TRMT9B: variants seen among roughly 807,000 people sequenced by gnomAD.
TRMT9B encodes tRNA methyltransferase 9B (putative), also known as probable tRNA methyltransferase 9B.
TRMT9B carries 16 observed loss-of-function variants against 11.5 expected under a neutral mutation model. That is an observed-to-expected ratio of 1.39 (90% CI 0.94 to 2.11). The LOEUF (loss-of-function observed/expected upper bound fraction) is 2.11, where lower values mean the gene tolerates loss of function less well. TRMT9B is among the 30% of genes most tolerant of loss of function. The pLI, the probability that TRMT9B is intolerant of heterozygous loss-of-function variation, is 0.00. For missense variants in TRMT9B, 941 were observed against 553.8 expected (o/e 1.70, Z -7.02); for synonymous variants, 274 against 192.4 (o/e 1.42, Z -3.51).
At chr8:12,967,040 G>A (rs1009084587) in intron 1 of TRMT9B, among the ~76,000 whole-genome samples, 3 of 152,174 alleles carry the variant, frequency 2.0e-5, no homozygotes, top group Non-Finnish European at 2.9e-5. Context: ...GTGTGGGAAG[G>A]ATAGGTAATG....
chr8:13,020,259 CTT>C (rs1278634925), intron 4 of TRMT9B, among the ~76,000 whole-genome samples: 1 of 152,096 alleles, frequency 6.6e-6, no homozygotes, highest in Admixed American at 6.5e-5. Flanking sequence ...GAAGTTTTCT[CTT>C]GACACAATAC....
chr8:12,996,011 A>G (rs1227902373), intron 2 of TRMT9B, among the ~76,000 whole-genome samples: 1 of 152,218 alleles, frequency 6.6e-6, no homozygotes, highest in African/African-American at 2.4e-5. Context: ...AGTAACAGTA[A>G]CCATGAAACA....
intron 1 of TRMT9B, among the ~76,000 whole-genome samples, chr8:12,981,174 G>A (rs1805311151): frequency 6.6e-6 from 1 of 152,146 alleles, no homozygotes; most frequent in South Asian, 2.1e-4. Context: ...AATCCACGAA[G>A]TCACTCTGCG....
chr8:13,020,162 T>C (rs1165392396), intron 4 of TRMT9B, among the ~76,000 whole-genome samples: 1 of 152,180 alleles, frequency 6.6e-6, no homozygotes, highest in Non-Finnish European at 1.5e-5. Context: ...CCCTCACAGC[T>C]CATATCAAAA....
intron 1 of TRMT9B, among the ~76,000 whole-genome samples, chr8:12,947,602 T>C (rs1800326746): frequency 6.6e-6 from 1 of 152,240 alleles, no homozygotes; most frequent in Non-Finnish European, 1.5e-5. Context: ...CACATGCATA[T>C]TAATGCAAAT....
intron 1 of TRMT9B, among the ~76,000 whole-genome samples, chr8:12,972,435 A>T (rs2460898): frequency 6.6e-6 from 1 of 152,068 alleles, no homozygotes; most frequent in Non-Finnish European, 1.5e-5. Context: ...TAGTCCTGGG[A>T]AAGTGAAAGA....
chr8:12,974,969 G>C (rs1207262305), intron 1 of TRMT9B, among the ~76,000 whole-genome samples: 1 of 151,068 alleles, frequency 6.6e-6, no homozygotes, highest in Non-Finnish European at 1.5e-5. Flanking sequence ...ATAAAAGGAA[G>C]CAGGGAAGTT....
At chr8:13,009,680 A>G (rs1327056538) in intron 3 of TRMT9B, among the ~76,000 whole-genome samples, 3 of 152,302 alleles carry the variant, frequency 2.0e-5, no homozygotes, top group South Asian at 2.1e-4. Flanking sequence ...TTATACACCT[A>G]GGTTTTGTTA....
intron 1 of TRMT9B, among the ~76,000 whole-genome samples, chr8:12,973,330 G>C (rs1000997352): frequency 6.6e-6 from 1 of 152,128 alleles, no homozygotes; most frequent in African/African-American, 2.4e-5. Flanking sequence ...GAGAAGAGAA[G>C]GTATTTCTCC....
intron 3 of TRMT9B, chr8:13,007,808 CT>C (rs1199737751): frequency 1.3e-5 from 2 of 151,980 alleles, no homozygotes; most frequent in Non-Finnish European, 2.9e-5. Context: ...TTTCTCACAC[CT>C]TACATCAAAA....
intron 1 of TRMT9B, among the ~76,000 whole-genome samples, chr8:12,962,700 A>G (rs1337135140): frequency 1.3e-5 from 2 of 152,286 alleles, no homozygotes; most frequent in East Asian, 3.9e-4. Flanking sequence ...TATGTTGTCC[A>G]GGCTGGTCTG....
At chr8:13,009,914 C>T (rs1006310370) in intron 3 of TRMT9B, among the ~76,000 whole-genome samples, 3 of 152,000 alleles carry the variant, frequency 2.0e-5, no homozygotes, top group Admixed American at 6.6e-5. Context: ...GATCTTTTAG[C>T]TCAGGAGTTC....
rs1811658667 is a variant in TRMT9B, at chr8:13,011,802, T to C, written c.155-882T>C. ...TTGTATACTGGACCCATAGAGATCA[T>C]TTTAAATGTAGCAATGAATAGAGAT... On this transcript the variant is annotated intron_variant, in intron 3 of 4. Transcript: ENST00000524591. The C allele has an allele frequency of 3.1e-6, 3 of 959,244 alleles. No homozygotes were observed. In the South Asian group the frequency reaches 1.4e-4, roughly 46 times the overall value. 59.4% of individuals were successfully genotyped at this position (959,244 alleles called of 1,614,324 possible). A position where few individuals can be genotyped will look rare whatever the true frequency, so the allele number is the denominator to read the frequency against.
At chr8:12,949,956 G>T (rs576049715) in intron 1 of TRMT9B, among the ~76,000 whole-genome samples, 1 of 152,260 alleles carries the variant, frequency 6.6e-6, no homozygotes, top group East Asian at 1.9e-4. Context: ...GGGCTCAAGT[G>T]ACCCTCCTGC....
intron 1 of TRMT9B, among the ~76,000 whole-genome samples, chr8:12,981,804 G>A (rs959850278): frequency 6.6e-6 from 1 of 151,872 alleles, no homozygotes; most frequent in African/African-American, 2.4e-5. Context: ...TCATTAAGTT[G>A]CCCAGGCTTA....
chr8:12,947,868 G>T (rs1800339532), intron 1 of TRMT9B, among the ~76,000 whole-genome samples: 1 of 152,220 alleles, frequency 6.6e-6, no homozygotes, highest in Admixed American at 6.5e-5. Context: ...AAAGTGTGCA[G>T]CCTATGTATA....
At chr8:12,963,501 G>T (rs1802416017) in intron 1 of TRMT9B, among the ~76,000 whole-genome samples, 1 of 152,100 alleles carries the variant, frequency 6.6e-6, no homozygotes, top group Non-Finnish European at 1.5e-5. Flanking sequence ...TGTAATCCTA[G>T]TGTTTTGGGA....
At chr8:13,014,749 T>C (rs1178538333) in intron 4 of TRMT9B, among the ~76,000 whole-genome samples, 1 of 152,148 alleles carries the variant, frequency 6.6e-6, no homozygotes, top group Non-Finnish European at 1.5e-5. Flanking sequence ...TCATTCCACT[T>C]AACTAGAAAT....
At chr8:12,979,467 C>G (rs908962264) in intron 1 of TRMT9B, among the ~76,000 whole-genome samples, 1 of 137,948 alleles carries the variant, frequency 7.2e-6, no homozygotes, top group East Asian at 2.1e-4. Context: ...CAGGATAAGA[C>G]TCCATCTCAA....
Sources: allele counts gnomAD v4.1 joint callset (sites outside exome capture counted in the v4.1 genomes callset), GRCh38; gene constraint gnomAD v4.1.1; transcripts MANE v1.5; gene names NCBI Gene and HGNC (gene_info 2026-07-23, HGNC 2026-07-21).